Variants in PLS3 observed in about 807,000 individuals in gnomAD.
The protein encoded by PLS3 is plastin 3.
A neutral mutation model predicts 46.5 loss-of-function variants in PLS3; 11 were observed. The observed-to-expected ratio is 0.24, with a 90% CI of 0.15 to 0.39. PLS3 has a LOEUF of 0.39. PLS3 is among the 10% of genes least tolerant of loss of function. The probability of loss-of-function intolerance (pLI) is 1.00; values close to 1 mark genes in which losing one functional copy is unlikely to be tolerated. For synonymous variants in PLS3, 167 were observed against 162.2 expected, an observed-to-expected ratio of 1.03 and a Z score of -0.22; for missense variants, 308 against 461.8, an observed-to-expected ratio of 0.67 and a Z score of 3.05.
At chrX:115,600,275 C>G (rs1017451013) in intron 1 of PLS3, among the ~76,000 whole-genome samples, 1 of 110,286 alleles carries the variant, frequency 9.1e-6, no homozygotes, top group Admixed American at 9.7e-5. Flanking sequence ...GCTCAGGCCA[C>G]CATGCTGGCT....
intron 1 of PLS3, among the ~76,000 whole-genome samples, chrX:115,587,518 G>A (rs960416543): frequency 2.8e-4 from 31 of 111,524 alleles, no homozygotes; most frequent in African/African-American, 9.8e-4. Flanking sequence ...GGCAGATCAC[G>A]AGGTCAGGAG....
rs115290821 is a variant in PLS3 at position 115,610,600 on chromosome X, G to T, written c.73+277G>T. On this transcript the variant is annotated intron_variant, in intron 2 of 15. Transcript: ENST00000355899. The stretch of plus-strand genomic sequence containing the variant: ...CCAATCCTTAACTGGTGACTGTTAT[G>T]TATGGTTCCTGAAATTTTCATGCCA... 0.031 allele frequency among the ~76,000 whole-genome samples: 3,392 copies of T among 107,947 alleles called. 131 individuals are homozygous for T. Among genetic ancestry groups the T allele is most frequent in the African/African-American group, 0.11 (3,222 of 29,614 alleles). 93.7% of individuals were successfully genotyped at this position (107,947 alleles called of 115,157 possible).
At position 115,635,010 on chromosome X, in the gene PLS3, G is replaced by A; in HGVS notation, c.712G>A (p.Gly238Ser). 8.3e-7 allele frequency: 1 copy of A among 1,209,472 alleles called. No homozygotes were observed. The highest frequency in any genetic ancestry group is 1.8e-5 in the South Asian group (1 of 56,515). The change falls in exon 7 of 16, where the codon GGT becomes AGT. Residue 238 changes from glycine (G) to serine (S), a missense_variant. This residue lies in a region of PLS3 where 271 missense variants were observed against 435.7 expected (regional missense o/e 0.62). Coordinates refer to ENST00000355899, the MANE Select transcript of PLS3 (RefSeq NM_005032.7). ...ACTGCTTTGGCAGATCATTAAGATC[G>A]GTTTGTTCGCTGACATTGAATTAAG... ...LGLLWQIIKI[G>S]LFADIELSRN...
chrX:115,633,657 AT>A (rs1393476778), intron 5 of PLS3, among the ~76,000 whole-genome samples: 1 of 108,938 alleles, frequency 9.2e-6, no homozygotes, highest in African/African-American at 3.3e-5. Flanking sequence ...TGCCCGGCTA[AT>A]TTTTTTATCG....
chrX:115,565,135 A>T lies in PLS3; in HGVS notation c.-9+3875A>T, dbSNP rs181853575. 2.7e-5 allele frequency among the ~76,000 whole-genome samples: 3 copies of T among 111,877 alleles called. No individual in the cohort carries two copies. The East Asian group carries it at 8.4e-4, about 31-fold the overall frequency. ...TTTTAGTTATGAGAGCGCTTTGGTT[A>T]AAGTTATGGAAACAGTCTAATCGTG... On this transcript the variant is annotated intron_variant, in intron 1 of 15. Transcript: ENST00000355899.
chrX:115,640,912 GA>G (rs1374271130), intron 9 of PLS3, among the ~76,000 whole-genome samples: 1 of 111,346 alleles, frequency 9.0e-6, no homozygotes, highest in African/African-American at 3.3e-5. Flanking sequence ...AGAGTAATGT[GA>G]TTATGTTTTA....
chrX:115,563,548 TA>T (rs2074153485), intron 1 of PLS3, among the ~76,000 whole-genome samples: 1 of 111,322 alleles, frequency 9.0e-6, no homozygotes, highest in Non-Finnish European at 1.9e-5. Context: ...AAGCTTTGCT[TA>T]TCTGAAAAAA....
chrX:115,625,248 G>A (rs1485547777), intron 3 of PLS3, among the ~76,000 whole-genome samples: 2 of 111,242 alleles, frequency 1.8e-5, no homozygotes, highest in Non-Finnish European at 3.8e-5. Context: ...TGCTTAAGGG[G>A]TGTTAATTGC....
At position 115,595,876 on chromosome X, in the gene PLS3, A is replaced by T. The variant is rs192907655; in HGVS notation, c.-8-14367A>T. Among the ~76,000 whole-genome samples, 620 of 108,580 alleles carry T rather than the reference A, an allele frequency of 5.7e-3. 2 individuals carry two copies. Among genetic ancestry groups the T allele is most frequent in the African/African-American group, 0.02 (592 of 29,839 alleles). 94.3% of individuals were successfully genotyped at this position (108,580 alleles called of 115,157 possible). A position where few individuals can be genotyped will look rare whatever the true frequency, so the allele number is the denominator to read the frequency against. On this transcript the variant is annotated intron_variant, in intron 1 of 15. Transcript: ENST00000355899. ...GCTAATTTTTGTGTTTTTAGTAGAG[A>T]TGGGGTTTCACCATACTGGCCAGGC... is the stretch of plus-strand genomic sequence containing the variant.
intron 1 of PLS3, among the ~76,000 whole-genome samples, chrX:115,586,828 T>C (rs1437448120): frequency 8.9e-6 from 1 of 112,210 alleles, no homozygotes; most frequent in Admixed American, 9.5e-5. Context: ...TGAATTGATA[T>C]TAAAGAGATG....
intron 1 of PLS3, among the ~76,000 whole-genome samples, chrX:115,586,790 T>C (rs2074312441): frequency 8.9e-6 from 1 of 112,083 alleles, no homozygotes; most frequent in African/African-American, 3.2e-5. Flanking sequence ...TGCTTTGAAG[T>C]AGATAAGCTG....
At chrX:115,619,854 G>A (rs187046920) in intron 2 of PLS3, among the ~76,000 whole-genome samples, 70 of 112,039 alleles carry the variant, frequency 6.2e-4, no homozygotes, top group African/African-American at 2.2e-3. Context: ...GGGCAAGAGA[G>A]ACCCTGTCTC....
chrX:115,588,656 G>A (rs985727307), intron 1 of PLS3, among the ~76,000 whole-genome samples: 1 of 111,152 alleles, frequency 9.0e-6, no homozygotes, highest in Non-Finnish European at 1.9e-5. Context: ...AGGCCAAAAA[G>A]TTTAGGAACT....
intron 1 of PLS3, among the ~76,000 whole-genome samples, chrX:115,592,795 T>TA (rs1556633310): frequency 9.0e-6 from 1 of 111,636 alleles, no homozygotes; most frequent in Non-Finnish European, 1.9e-5. Context: ...GAGTTGCTCT[T>TA]ATCTTCATCC....
rs782744440 is a variant in PLS3 at position 115,635,083 on chromosome X, G to T, written c.748+37G>T. ...CAGTCATTCTGGCAGTTGTTTATTG[G>T]TTATTTTTTTCTAGTCATGCAGACT... On this transcript the variant is annotated intron_variant, in intron 7 of 15. Transcript: ENST00000355899. 8 of 1,141,626 alleles carry T rather than the reference G, an allele frequency of 7.0e-6. No homozygotes were observed. The Admixed American group carries it at 1.9e-4, about 27-fold the overall frequency. 94.1% of individuals were successfully genotyped at this position (1,141,626 alleles called of 1,213,427 possible). A position where few individuals can be genotyped will look rare whatever the true frequency, so the allele number is the denominator to read the frequency against.
At chrX:115,602,329 A>G (rs182671849) in intron 1 of PLS3, among the ~76,000 whole-genome samples, 14 of 111,960 alleles carry the variant, frequency 1.3e-4, no homozygotes, top group African/African-American at 3.9e-4. Flanking sequence ...GATTAATATA[A>G]ATAAATAAGT....
intron 3 of PLS3, among the ~76,000 whole-genome samples, chrX:115,625,605 A>G (rs2074702733): frequency 9.1e-6 from 1 of 110,292 alleles, no homozygotes; most frequent in African/African-American, 3.3e-5. Flanking sequence ...AAAAAAAAAA[A>G]AAGAAGTTAT....
intron 3 of PLS3, among the ~76,000 whole-genome samples, chrX:115,628,248 G>A (rs376067108): frequency 8.9e-6 from 1 of 112,329 alleles, no homozygotes; most frequent in African/African-American, 3.2e-5. Flanking sequence ...ATCTTCCTGA[G>A]ATGTGTGTGT....
chrX:115,608,921 A>T (rs1603232497), intron 1 of PLS3, among the ~76,000 whole-genome samples: 1 of 109,328 alleles, frequency 9.1e-6, no homozygotes, highest in Non-Finnish European at 1.9e-5. Flanking sequence ...TTTTGCTGTG[A>T]ACCTAAAACT....
Sources: allele counts gnomAD v4.1 joint callset (sites outside exome capture counted in the v4.1 genomes callset), GRCh38; gene constraint gnomAD v4.1.1; regional missense constraint gnomAD v4.1.1; transcripts MANE v1.5; gene names NCBI Gene and HGNC (gene_info 2026-07-23, HGNC 2026-07-21).